Variants in CAPSL observed in about 807,000 individuals in gnomAD.
CAPSL encodes the protein calcyphosin-like protein.
A neutral mutation model predicts 21.3 loss-of-function variants in CAPSL; 17 were observed. The observed-to-expected ratio is 0.80, with a 90% CI of 0.55 to 1.20. The LOEUF (loss-of-function observed/expected upper bound fraction) is 1.20, where lower values mean the gene tolerates loss of function less well. CAPSL is among the 50% of genes most tolerant of loss of function. The pLI is 0.00. For synonymous variants in CAPSL, 102 were observed against 89.3 expected (o/e 1.14, Z -0.80); for missense variants, 289 against 259.3 (o/e 1.11, Z -0.79).
intron 3 of CAPSL, 96 bp downstream of exon 3, chr5:35,910,270 G>T: frequency 7.4e-7 from 1 of 1,353,890 alleles, no homozygotes; most frequent in Non-Finnish European, 1.0e-6. Context: ...TCCCCACAGT[G>T]TACTAACAAC....
intron 2 of CAPSL, among the ~76,000 whole-genome samples, chr5:35,910,864 C>G (rs773919889): frequency 1.6e-4 from 25 of 152,136 alleles, no homozygotes; most frequent in Non-Finnish European, 2.8e-4. Flanking sequence ...CTTTATAATA[C>G]TATGATGGTG....
At chr5:35,913,573 A>C (rs1738290298) in intron 2 of CAPSL, among the ~76,000 whole-genome samples, 1 of 152,182 alleles carries the variant, frequency 6.6e-6, no homozygotes, top group South Asian at 2.1e-4. Context: ...AAAGAAAAGA[A>C]TTTTCAACAC....
At chr5:35,932,100 A>G (rs1172500702) in intron 1 of CAPSL, among the ~76,000 whole-genome samples, 1 of 152,188 alleles carries the variant, frequency 6.6e-6, no homozygotes, top group Non-Finnish European at 1.5e-5. Flanking sequence ...CTAGTCAATT[A>G]TTTGTATCCT....
intron 1 of CAPSL, among the ~76,000 whole-genome samples, chr5:35,930,290 T>A (rs968070381): frequency 6.6e-6 from 1 of 152,232 alleles, no homozygotes; most frequent in African/African-American, 2.4e-5. Flanking sequence ...AGCCCATTTA[T>A]GCTAAACCAT....
intron 4 of CAPSL, among the ~76,000 whole-genome samples, chr5:35,906,054 A>G (rs1760668812): frequency 6.6e-6 from 1 of 152,240 alleles, no homozygotes; most frequent in South Asian, 2.1e-4. Context: ...AAGTAAGTGG[A>G]TCATTTTACA....
chr5:35,910,209 C>A, intron 3 of CAPSL, 134 bp from the exon 4 acceptor site: 1 of 1,068,060 alleles, frequency 9.4e-7, no homozygotes, highest in Non-Finnish European at 1.3e-6. Flanking sequence ...ATAGACACTA[C>A]AATTGCTCCA....
chr5:35,919,036 G>A (rs2149924101), intron 2 of CAPSL, among the ~76,000 whole-genome samples: 1 of 151,824 alleles, frequency 6.6e-6, no homozygotes, highest in South Asian at 2.1e-4. Context: ...TAAAACCGTA[G>A]GGGCTGCAGA....
intron 2 of CAPSL, among the ~76,000 whole-genome samples, chr5:35,920,158 G>A (rs1738498841): frequency 6.6e-6 from 1 of 152,140 alleles, no homozygotes; most frequent in South Asian, 2.1e-4. Flanking sequence ...TACCTTGCTG[G>A]AAGTGAAGCC....
intron 1 of CAPSL, among the ~76,000 whole-genome samples, chr5:35,931,437 A>G (rs1738820851): frequency 1.3e-4 from 2 of 15,630 alleles, no homozygotes; most frequent in Non-Finnish European, 5.9e-4. Context: ...ACAATGTGTT[A>G]CAAAAAAAAA....
chr5:35,919,160 TAAA>T (rs34779853), intron 2 of CAPSL, among the ~76,000 whole-genome samples: 4 of 129,180 alleles, frequency 3.1e-5, no homozygotes, highest in African/African-American at 1.2e-4. Context: ...CTTTCCTGAT[TAAA>T]AAAAAAAATA....
chr5:35,925,227 C>T (rs961638039), intron 1 of CAPSL, among the ~76,000 whole-genome samples: 10 of 152,350 alleles, frequency 6.6e-5, no homozygotes, highest in African/African-American at 2.4e-4. Flanking sequence ...ACAACGCTTA[C>T]AGCCTGGGGG....
intron 4 of CAPSL, among the ~76,000 whole-genome samples, chr5:35,904,898 A>G (rs186431940): frequency 3.3e-5 from 5 of 152,292 alleles, no homozygotes; most frequent in Non-Finnish European, 7.4e-5. Context: ...ATAGGTTGTC[A>G]TCTTTTGTCT....
chr5:35,920,861 C>T (rs1056310321), intron 2 of CAPSL, 123 bp downstream of exon 2: 5 of 1,004,266 alleles, frequency 5.0e-6, no homozygotes, highest in Non-Finnish European at 7.2e-6. Context: ...CTACATTTTA[C>T]AAATAAGGAA....
At chr5:35,924,630 A>T (rs1436752002) in intron 1 of CAPSL, among the ~76,000 whole-genome samples, 2 of 152,174 alleles carry the variant, frequency 1.3e-5, no homozygotes, top group Non-Finnish European at 2.9e-5. Context: ...ATCCCTTTTA[A>T]TCATTGAATC....
chr5:35,930,672 G>T (rs777737707), intron 1 of CAPSL, among the ~76,000 whole-genome samples: 1 of 152,318 alleles, frequency 6.6e-6, no homozygotes, highest in South Asian at 2.1e-4. Context: ...CAAGAGGAAC[G>T]GATGAGACAG....
At chr5:35,922,612 C>A (rs116333157) in intron 1 of CAPSL, among the ~76,000 whole-genome samples, 1 of 152,168 alleles carries the variant, frequency 6.6e-6, no homozygotes, top group South Asian at 2.1e-4. Context: ...GAACTCCAGA[C>A]GGTGGCACAC....
At chr5:35,915,007 A>G (rs750860063) in intron 2 of CAPSL, among the ~76,000 whole-genome samples, 2 of 152,358 alleles carry the variant, frequency 1.3e-5, no homozygotes, top group East Asian at 3.9e-4. Context: ...AATAGACACA[A>G]TAAAAAATGA....
At chr5:35,923,778 G>T (rs961957527) in intron 1 of CAPSL, among the ~76,000 whole-genome samples, 17 of 152,208 alleles carry the variant, frequency 1.1e-4, no homozygotes, top group African/African-American at 3.4e-4. Context: ...ACTGCTTAAT[G>T]AATGTAAAGT....
intron 1 of CAPSL, among the ~76,000 whole-genome samples, chr5:35,929,981 C>G (rs1387099977): frequency 6.6e-6 from 1 of 152,080 alleles, no homozygotes; most frequent in African/African-American, 2.4e-5. Context: ...AAATCAAACT[C>G]AAAACTTCTG....
Sources: allele counts gnomAD v4.1 joint callset (sites outside exome capture counted in the v4.1 genomes callset), GRCh38; gene constraint gnomAD v4.1.1; transcripts MANE v1.5; gene names NCBI Gene and HGNC (gene_info 2026-07-23, HGNC 2026-07-21).